The following IL1R2 variants were observed in gnomAD, a reference collection of about 807,000 sequenced individuals.
The protein encoded by IL1R2 is interleukin-1 receptor type 2.
In IL1R2, 46 loss-of-function variants were observed where a neutral mutation model predicts 39.5. That is an observed-to-expected ratio of 1.16 (90% CI 0.92 to 1.49). The LOEUF (loss-of-function observed/expected upper bound fraction) is 1.49. Among genes scored for constraint, IL1R2 ranks in the 40% most tolerant of loss-of-function variants. IL1R2 has a pLI of 0.00. For synonymous variants in IL1R2, 207 were observed against 189.6 expected (o/e 1.09, Z -0.75); for missense variants, 537 against 502.0 (o/e 1.07, Z -0.67).
At chr2:102,002,240 A>T (rs568943811) in intron 1 of IL1R2, among the ~76,000 whole-genome samples, 2 of 152,184 alleles carry the variant, frequency 1.3e-5, no homozygotes, top group Non-Finnish European at 2.9e-5. Context: ...TGATGTCTGC[A>T]ACTTTCAGGT....
At chr2:102,012,528 G>C (rs1399061910) in intron 3 of IL1R2, among the ~76,000 whole-genome samples, 2 of 150,220 alleles carry the variant, frequency 1.3e-5, no homozygotes, top group Non-Finnish European at 3.0e-5. Context: ...ATGAGGTAGA[G>C]GGTGCCCTCT....
intron 7 of IL1R2, among the ~76,000 whole-genome samples, chr2:102,025,896 G>A (rs531136333): frequency 1.4e-4 from 22 of 152,150 alleles, no homozygotes; most frequent in South Asian, 1.2e-3. Flanking sequence ...GCCAGTGACC[G>A]CCAACTTCAG....
chr2:101,999,273 C>A (rs1165713049), intron 1 of IL1R2, among the ~76,000 whole-genome samples: 1 of 152,208 alleles, frequency 6.6e-6, no homozygotes, highest in African/African-American at 2.4e-5. Context: ...GTGTTTCCCA[C>A]ACTCAGATTA....
intron 1 of IL1R2, among the ~76,000 whole-genome samples, chr2:102,005,577 C>T (rs935589558): frequency 2.0e-5 from 3 of 152,186 alleles, no homozygotes; most frequent in African/African-American, 4.8e-5. Context: ...TGGTCTGTAC[C>T]TTGTAGTTCA....
chr2:102,024,458 A>T, intron 6 of IL1R2, 75 bp from the exon 7 acceptor site: 1 of 1,031,850 alleles, frequency 9.7e-7, no homozygotes, highest in Non-Finnish European at 1.5e-6. Flanking sequence ...CCGAGGAGGG[A>T]CTCAGGGCTC....
chr2:102,025,386 T>C (rs1677666911), intron 7 of IL1R2, among the ~76,000 whole-genome samples: 1 of 152,248 alleles, frequency 6.6e-6, no homozygotes, highest in Non-Finnish European at 1.5e-5. Flanking sequence ...AAAAACTATG[T>C]GTGGGTAGCA....
intron 6 of IL1R2, among the ~76,000 whole-genome samples, chr2:102,023,199 T>A (rs1391614186): frequency 3.3e-5 from 5 of 152,266 alleles, no homozygotes; most frequent in Non-Finnish European, 7.3e-5. Context: ...CTGGTTTAAA[T>A]TTTAAATTTG....
Position 102,008,514 on chromosome 2 carries a change from G to A in IL1R2, c.-61-1G>A. The A allele has an allele frequency of 1.5e-6, 2 of 1,346,816 alleles. No homozygotes were observed. Among genetic ancestry groups the A allele is most frequent in the Non-Finnish European group, 2.1e-6 (2 of 936,604 alleles). 83.4% of individuals were successfully genotyped at this position (1,346,816 alleles called of 1,614,324 possible). On this transcript the variant is annotated splice_acceptor_variant, in intron 1 of 8. Coordinates refer to ENST00000332549, the MANE Select transcript of IL1R2 (RefSeq NM_004633.4). LOFTEE classifies it low-confidence loss of function (5UTR_SPLICE). ...GGTGACACCTCTGTTTCCTCCCCTA[G>A]GCCACGTGCTGCTGGGTCTCAGTCC...
In IL1R2 at chr2:102,028,449, T is replaced by C. The variant is rs1677870051; in HGVS notation, c.*57T>C. 4.9e-6 allele frequency: 7 copies of C among 1,438,066 alleles called. No homozygotes were observed. In the Admixed American group the frequency reaches 1.5e-4, roughly 30 times the overall value. 89.1% of individuals were successfully genotyped at this position (1,438,066 alleles called of 1,614,324 possible). A position where few individuals can be genotyped will look rare whatever the true frequency, so the allele number is the denominator to read the frequency against. ...CTCCGTACGTCTTCTCTTATGGAAG[T>C]GGCTGTGTCTTTTTGAGGGACTCTG... On this transcript the variant is annotated 3_prime_UTR_variant, in exon 9 of 9. Coordinates refer to ENST00000332549, the MANE Select transcript of IL1R2 (RefSeq NM_004633.4).
At chr2:102,004,049 G>GTCTA (rs1435119998) in intron 1 of IL1R2, among the ~76,000 whole-genome samples, 1 of 151,128 alleles carries the variant, frequency 6.6e-6, no homozygotes, top group African/African-American at 2.5e-5. Flanking sequence ...CTATGTCTAT[G>GTCTA]TGCCTGTGTG....
chr2:102,008,324 C>T (rs2302589), intron 1 of IL1R2, among the ~76,000 whole-genome samples, 191 bp from the exon 2 acceptor site: 25,468 of 152,188 alleles, frequency 0.17, 2,580 homozygotes, highest in East Asian at 0.32. Flanking sequence ...AAGGATTCGA[C>T]TTTAGATATG....
Position 102,009,630 on chromosome 2 carries a change from G to C in IL1R2, c.136G>C (p.Val46Leu). 6.2e-7 allele frequency: 1 copy of C among 1,614,220 alleles called. No individual in the cohort carries two copies. Among genetic ancestry groups the C allele is most frequent in the African/African-American group, 1.3e-5 (1 of 75,060 alleles). The change falls in exon 3 of 9, where the codon GTA becomes CTA. Residue 46 changes from valine to leucine, a missense_variant. Coordinates refer to ENST00000332549, the MANE Select transcript of IL1R2 (RefSeq NM_004633.4). ...GGAGTTCAGGCTGGAAGGGGAGCCTGTAGCCCTGAGGTGCCCCCAGGTGCC... is the reference window on the plus strand; with the variant it reads ...GGAGTTCAGGCTGGAAGGGGAGCCTCTAGCCCTGAGGTGCCCCCAGGTGCC... Reference protein sequence around the residue: ...KREFRLEGEPVALRCPQVPYW... With the variant: ...KREFRLEGEPLALRCPQVPYW...
Position 102,008,556 on chromosome 2 carries a change from T to G in IL1R2, c.-20T>G. ...TCTCAGTCCTCCACTTCCCGTGTCCTCTGGAAGTTGTCAGGAGCAATGTTG... is the reference window on the plus strand; with the variant it reads ...TCTCAGTCCTCCACTTCCCGTGTCCGCTGGAAGTTGTCAGGAGCAATGTTG... On this transcript the variant is annotated 5_prime_UTR_variant, in exon 2 of 9. Coordinates refer to ENST00000332549, the MANE Select transcript of IL1R2 (RefSeq NM_004633.4). The G allele has an allele frequency of 6.2e-7, 1 of 1,608,938 alleles. No homozygotes were observed. Among genetic ancestry groups the G allele is most frequent in the South Asian group, 1.1e-5 (1 of 90,948 alleles).
intron 5 of IL1R2, 170 bp from the exon 6 acceptor site, chr2:102,022,017 A>T (rs749244848): frequency 3.2e-6 from 2 of 619,906 alleles, no homozygotes; most frequent in Admixed American, 2.9e-5. Context: ...TTGGCCAAGG[A>T]TGCTCGATTT....
intron 1 of IL1R2, 125 bp downstream of exon 1, chr2:101,992,136 A>G (rs1675358000): frequency 6.6e-6 from 1 of 152,334 alleles, no homozygotes; most frequent in Non-Finnish European, 1.5e-5. Context: ...GGAAAGGCAA[A>G]GAGAGGCAGA....
At chr2:102,013,559 A>G in intron 3 of IL1R2, among the ~76,000 whole-genome samples, 1 of 134,628 alleles carries the variant, frequency 7.4e-6, no homozygotes, top group Non-Finnish European at 1.6e-5. Context: ...AAAAGGAAAG[A>G]AAGAAAAGAA....
chr2:102,024,833 G>C, intron 7 of IL1R2, 165 bp downstream of exon 7: 3 of 891,086 alleles, frequency 3.4e-6, no homozygotes, highest in Non-Finnish European at 4.8e-6. Flanking sequence ...AAATTATCTT[G>C]AGAATCAAAC....
chr2:102,017,294 G>A (rs1677064666), intron 4 of IL1R2, among the ~76,000 whole-genome samples: 1 of 151,608 alleles, frequency 6.6e-6, no homozygotes, highest in Non-Finnish European at 1.5e-5. Context: ...TGACTCGGGA[G>A]GCTGAAGCAG....
At chr2:102,024,779 C>A in intron 7 of IL1R2, 111 bp downstream of exon 7, 1 of 1,289,424 alleles carries the variant, frequency 7.8e-7, no homozygotes, top group Non-Finnish European at 1.0e-6. Flanking sequence ...TTTTTGATTC[C>A]AAACTGTTGG....
Sources: gnomAD v4.1 joint callset for allele counts (sites outside exome capture counted in the v4.1 genomes callset) on GRCh38, gnomAD v4.1.1 for gene constraint, MANE v1.5 for transcripts, NCBI Gene and HGNC (gene_info 2026-07-23, HGNC 2026-07-21) for gene names.